ORC1: variants seen among roughly 807,000 people sequenced by gnomAD.
The protein encoded by ORC1 is origin recognition complex, subunit 1 homolog.
Under a neutral mutation model 98.9 loss-of-function variants are expected in ORC1, and 61 were observed. That is an observed-to-expected ratio of 0.62 (90% CI 0.50 to 0.76). The LOEUF (loss-of-function observed/expected upper bound fraction) is 0.76, where lower values mean the gene tolerates loss of function less well. Among genes scored for constraint, ORC1 ranks in the 30% least tolerant of loss-of-function variants. The pLI, the probability that ORC1 is intolerant of heterozygous loss-of-function variation, is 0.00. For missense variants in ORC1, 979 were observed against 1,072.2 expected (o/e 0.91, Z 1.21); for synonymous variants, 385 against 406.9 (o/e 0.95, Z 0.65).
chr1:52,375,358 T>G (rs1056263078), intron 15 of ORC1, 72 bp downstream of exon 15: 28 of 1,372,146 alleles, frequency 2.0e-5, no homozygotes, highest in Non-Finnish European at 2.9e-5. Context: ...GCAGGTTGAA[T>G]GAGTAAAAGC....
chr1:52,405,520 A>G (rs770084699), upstream of ORC1, among the ~76,000 whole-genome samples: 1 of 152,246 alleles, frequency 6.6e-6, no homozygotes, highest in Non-Finnish European at 1.5e-5. Flanking sequence ...ATCCATTCTC[A>G]ATGTATATTA....
intron 1 of ORC1, among the ~76,000 whole-genome samples, chr1:52,403,929 A>G (rs1647858695): frequency 6.6e-6 from 1 of 152,244 alleles, no homozygotes; most frequent in South Asian, 2.1e-4. Flanking sequence ...AGAGTGCTTT[A>G]CAAATGCAGA....
rs1038722712 is a variant in ORC1, at chr1:52,383,820, G to A, written c.1863+10C>T. 1 of 1,607,146 alleles carries A rather than the reference G, an allele frequency of 6.2e-7. No individual in the cohort carries two copies. The highest frequency in any genetic ancestry group is 8.5e-7 in the Non-Finnish European group (1 of 1,174,028). Reference sequence around the variant, plus strand: ...CTGTTTCTTCTCCTGTCCGCCCATGGGCACCTCACCTCATCCACAAGCAGG... The same window carrying A: ...CTGTTTCTTCTCCTGTCCGCCCATGAGCACCTCACCTCATCCACAAGCAGG... On this transcript the variant is annotated intron_variant, in intron 12 of 16. Coordinates refer to ENST00000371568, the MANE Select transcript of ORC1 (RefSeq NM_004153.4).
intron 12 of ORC1, 64 bp downstream of exon 12, chr1:52,383,766 C>A: frequency 1.4e-6 from 2 of 1,436,664 alleles, no homozygotes; most frequent in South Asian, 2.3e-5. Context: ...TCCTCCCTCC[C>A]ATCCAGCACT....
chr1:52,404,728 A>G (rs1198135281), upstream of ORC1: 1 of 1,610,054 alleles, frequency 6.2e-7, no homozygotes, highest in Non-Finnish European at 8.5e-7. Flanking sequence ...TCCGACGGAA[A>G]TAGAATTGAA....
intron 8 of ORC1, among the ~76,000 whole-genome samples, chr1:52,386,173 T>C (rs1239868946): frequency 3.3e-5 from 5 of 152,202 alleles, no homozygotes; most frequent in Admixed American, 1.3e-4. Flanking sequence ...GTATGTATAG[T>C]ATCAGGATTT....
At chr1:52,399,099 T>C (rs1169602472) in intron 3 of ORC1, among the ~76,000 whole-genome samples, 9 of 152,194 alleles carry the variant, frequency 5.9e-5, no homozygotes, top group Admixed American at 4.6e-4. Flanking sequence ...AAAAGGCCTC[T>C]GAGAGGAGCT....
At chr1:52,397,225 A>G (rs955221086) in intron 4 of ORC1, among the ~76,000 whole-genome samples, 4 of 152,224 alleles carry the variant, frequency 2.6e-5, no homozygotes, top group African/African-American at 9.6e-5. Flanking sequence ...GGAAAAACTC[A>G]TAACCAGTGA....
chr1:52,404,962 C>T (rs1174241629), upstream of ORC1: 3 of 1,517,388 alleles, frequency 2.0e-6, no homozygotes, highest in Non-Finnish European at 2.7e-6. Flanking sequence ...TAGCGACTGG[C>T]CTCTGGGGGT....
chr1:52,400,356 TCAC>T (rs879375570), intron 3 of ORC1, among the ~76,000 whole-genome samples: 1 of 152,258 alleles, frequency 6.6e-6, no homozygotes, highest in South Asian at 2.1e-4. Flanking sequence ...GCGTGAGATT[TCAC>T]CACATTACTC....
In ORC1 at chr1:52,383,466, A is replaced by C; in HGVS notation, c.1967T>G (p.Met656Arg). ...CATCATGATTCGCTCTGGCAGGTCCATTGTGTTGGCAATTGCCAGGACCAC... is the reference window on the plus strand; with the variant it reads ...CATCATGATTCGCTCTGGCAGGTCCCTTGTGTTGGCAATTGCCAGGACCAC... ...RLVVLAIANT[M>R]DLPERIMMNR... is the part of the protein sequence containing the mutation. Residue 656 changes from methionine (M) to arginine (R), a missense_variant, in exon 13 of 17, where the codon ATG (methionine) becomes AGG (arginine). Transcript: ENST00000371568. 1.2e-6 allele frequency: 2 copies of C among 1,613,398 alleles called. No individual in the cohort carries two copies. Among genetic ancestry groups the C allele is most frequent in the Non-Finnish European group, 1.7e-6 (2 of 1,180,038 alleles).
intron 8 of ORC1, among the ~76,000 whole-genome samples, chr1:52,387,093 T>C (rs1337798510): frequency 1.3e-5 from 2 of 152,182 alleles, no homozygotes; most frequent in Non-Finnish European, 2.9e-5. Flanking sequence ...CTACACCCTA[T>C]ATCCCTACTT....
At chr1:52,388,383 G>C (rs1647170588) in intron 8 of ORC1, 59 bp downstream of exon 8, 2 of 1,394,262 alleles carry the variant, frequency 1.4e-6, no homozygotes, top group African/African-American at 1.4e-5. Context: ...TTCAGCATTT[G>C]TAACTTTTAA....
intron 3 of ORC1, among the ~76,000 whole-genome samples, chr1:52,399,865 T>C (rs1001256376): frequency 6.6e-6 from 1 of 151,562 alleles, no homozygotes; most frequent in Non-Finnish European, 1.5e-5. Flanking sequence ...ACCACTGAGA[T>C]GACTTCTGGC....
At chr1:52,374,760 A>T in intron 16 of ORC1, 50 bp downstream of exon 16, 3 of 1,272,132 alleles carry the variant, frequency 2.4e-6, no homozygotes, top group Non-Finnish European at 3.4e-6. Context: ...CATGTATTTT[A>T]AAAGCGTAAG....
At chr1:52,408,053 C>T (rs1173315477), upstream of ORC1, among the ~76,000 whole-genome samples, 1 of 152,058 alleles carries the variant, frequency 6.6e-6, no homozygotes. Context: ...AAGATTCTGT[C>T]TCAAGAAATA....
At chr1:52,396,457 C>T in intron 4 of ORC1, 93 bp from the exon 5 acceptor site, 4 of 1,486,992 alleles carry the variant, frequency 2.7e-6, no homozygotes, top group Non-Finnish European at 3.7e-6. Context: ...ACATTGAAGT[C>T]CACATCTGTA....
At chr1:52,399,517 G>C (rs1412398207) in intron 3 of ORC1, among the ~76,000 whole-genome samples, 1 of 151,704 alleles carries the variant, frequency 6.6e-6, no homozygotes, top group African/African-American at 2.4e-5. Flanking sequence ...TCAGCTACTC[G>C]GGAGGCTGAG....
At chr1:52,378,098 G>A (rs1166409839) in intron 14 of ORC1, among the ~76,000 whole-genome samples, 1 of 152,092 alleles carries the variant, frequency 6.6e-6, no homozygotes, top group Non-Finnish European at 1.5e-5. Context: ...TGTAATCCCA[G>A]CACTTTAGGA....
Sources: gnomAD v4.1 joint callset for allele counts (sites outside exome capture counted in the v4.1 genomes callset) on GRCh38, gnomAD v4.1.1 for gene constraint, MANE v1.5 for transcripts, NCBI Gene and HGNC (gene_info 2026-07-23, HGNC 2026-07-21) for gene names.